RYR2: variants seen among roughly 807,000 people sequenced by gnomAD.
RYR2 encodes cardiac muscle ryanodine receptor-calcium release channel.
In RYR2, 227 loss-of-function variants were observed where a neutral mutation model predicts 601.1. The ratio of observed to expected loss-of-function variants is 0.38; its 90% CI spans 0.34 to 0.42. The LOEUF is 0.42. RYR2 is among the 10% of genes least tolerant of loss of function. The pLI, the probability that RYR2 is intolerant of heterozygous loss-of-function variation, is 1.00. For synonymous variants in RYR2, 2,223 were observed against 2,175.1 expected (o/e 1.02, Z -0.61); for missense variants, 4,646 against 6,156.5 (o/e 0.75, Z 8.21).
rs541573262 is a variant in RYR2, at chr1:237,321,595, A to G, written c.169-9283A>G. On this transcript the variant is annotated intron_variant, in intron 2 of 104. Transcript: ENST00000366574. ...ATAGTGGGCTTTGGAGCAGAGAAAG[A>G]GTTTAATAATTGAATGGCAACCAAA... Among the ~76,000 whole-genome samples the G allele has an allele frequency of 2.0e-5, 3 of 152,296 alleles. No homozygotes were observed. In the South Asian group the frequency reaches 6.2e-4, roughly 32 times the overall value.
intron 8 of RYR2, among the ~76,000 whole-genome samples, chr1:237,382,792 T>A (rs1701643553): frequency 6.6e-6 from 1 of 152,198 alleles, no homozygotes; most frequent in Non-Finnish European, 1.5e-5. Context: ...ATTTATTATA[T>A]GAACCAATTC....
chr1:237,300,215 G>A lies in RYR2; in HGVS notation c.168+29599G>A, dbSNP rs1448311877. Among the ~76,000 whole-genome samples the A allele has an allele frequency of 2.6e-5, 4 of 152,142 alleles. No individual in the cohort carries two copies. In the Middle Eastern group the frequency reaches 0.014, roughly 517 times the overall value. The stretch of plus-strand genomic sequence containing the variant: ...GAGAGAATCAAATAAGATGATACAC[G>A]GACCACCAGGAAACATCTGAGAGGG... On this transcript the variant is annotated intron_variant, in intron 2 of 104. Coordinates refer to ENST00000366574, the MANE Select transcript of RYR2 (RefSeq NM_001035.3).
intron 1 of RYR2, among the ~76,000 whole-genome samples, chr1:237,093,850 C>A (rs574529802): frequency 6.6e-6 from 1 of 152,206 alleles, no homozygotes; most frequent in Admixed American, 6.5e-5. Flanking sequence ...GTTCTTCTCA[C>A]GCTGCTGTGA....
intron 93 of RYR2, 105 bp downstream of exon 93, chr1:237,791,620 A>G (rs2149379592): frequency 4.5e-6 from 3 of 664,716 alleles, no homozygotes; most frequent in Non-Finnish European, 7.9e-6. Flanking sequence ...AACATGTCTA[A>G]ACCTATTATG....
intron 2 of RYR2, among the ~76,000 whole-genome samples, chr1:237,294,151 T>A (rs951888837): frequency 6.6e-6 from 1 of 152,230 alleles, no homozygotes; most frequent in African/African-American, 2.4e-5. Flanking sequence ...ATTTTCCATA[T>A]TCTCCTTGAA....
At position 237,042,390 on chromosome 1, in the gene RYR2, C is replaced by T. The variant is rs1660011892; in HGVS notation, c.-132C>T. 2.2e-6 allele frequency: 2 copies of T among 904,218 alleles called. No homozygotes were observed. The highest frequency in any genetic ancestry group is 2.8e-6 in the Non-Finnish European group (2 of 705,082). 56.0% of individuals were successfully genotyped at this position (904,218 alleles called of 1,614,324 possible). A position where few individuals can be genotyped will look rare whatever the true frequency, so the allele number is the denominator to read the frequency against. Reference sequence around the variant, plus strand: ...CTGCAGGCGGGGACCGCCCGGCGCTCGGCACCCGGCAGCGCGGCCCCCTCC... The same window carrying T: ...CTGCAGGCGGGGACCGCCCGGCGCTTGGCACCCGGCAGCGCGGCCCCCTCC... On this transcript the variant is annotated 5_prime_UTR_variant, in exon 1 of 105. Transcript: ENST00000366574.
In RYR2 at chr1:237,719,322, A is replaced by G. The variant is rs535951662; in HGVS notation, c.10554+801A>G. 3.3e-5 allele frequency among the ~76,000 whole-genome samples: 5 copies of G among 152,290 alleles called. No homozygotes were observed. The South Asian group carries it at 1.0e-3, about 32-fold the overall frequency. ...ATATATTTTTAAGAGTCGTTAGTCTATAGGTGAATTAGGCCATTTTTGCTT... is the reference window on the plus strand; with the variant it reads ...ATATATTTTTAAGAGTCGTTAGTCTGTAGGTGAATTAGGCCATTTTTGCTT... On this transcript the variant is annotated intron_variant, in intron 73 of 104. Transcript: ENST00000366574.
intron 48 of RYR2, among the ~76,000 whole-genome samples, chr1:237,646,172 C>T (rs1281619963): frequency 4.6e-5 from 7 of 151,896 alleles, no homozygotes; most frequent in African/African-American, 7.3e-5. Flanking sequence ...CCACCGTGCC[C>T]GGCCAAATCT....
At chr1:237,379,886 A>T (rs573887730) in intron 8 of RYR2, among the ~76,000 whole-genome samples, 2 of 152,222 alleles carry the variant, frequency 1.3e-5, no homozygotes, top group African/African-American at 4.8e-5. Context: ...CTTTCATTTG[A>T]TAATGAAGTC....
At chr1:237,715,368 T>G (rs1251242480) in intron 71 of RYR2, among the ~76,000 whole-genome samples, 1 of 152,218 alleles carries the variant, frequency 6.6e-6, no homozygotes, top group African/African-American at 2.4e-5. Flanking sequence ...CTTATAGATT[T>G]AATTTCCTCA....
intron 2 of RYR2, among the ~76,000 whole-genome samples, chr1:237,289,887 A>G (rs1692020511): frequency 6.6e-6 from 1 of 152,182 alleles, no homozygotes; most frequent in African/African-American, 2.4e-5. Flanking sequence ...GCATAAAACT[A>G]TTTTAGTTGC....
At chr1:237,302,400 C>A (rs1693449524) in intron 2 of RYR2, among the ~76,000 whole-genome samples, 1 of 152,124 alleles carries the variant, frequency 6.6e-6, no homozygotes, top group Non-Finnish European at 1.5e-5. Context: ...AACTTAAGAA[C>A]TCTAGGAATT....
chr1:237,287,842 A>G (rs1352881424), intron 2 of RYR2, among the ~76,000 whole-genome samples: 2 of 152,062 alleles, frequency 1.3e-5, no homozygotes, highest in Non-Finnish European at 2.9e-5. Flanking sequence ...GTTTGGAGCC[A>G]TTGGTGGTGA....
chr1:237,352,359 A>G (rs1486895479), intron 3 of RYR2, among the ~76,000 whole-genome samples: 2 of 152,122 alleles, frequency 1.3e-5, no homozygotes, highest in Non-Finnish European at 2.9e-5. Context: ...TAGTATAATG[A>G]AACAACACAT....
At chr1:237,368,229 T>C (rs553363389) in intron 5 of RYR2, among the ~76,000 whole-genome samples, 1 of 152,140 alleles carries the variant, frequency 6.6e-6, no homozygotes, top group African/African-American at 2.4e-5. Flanking sequence ...TCCATTCTTA[T>C]AAAAACTTTA....
chr1:237,052,702 G>GT (rs143198286), intron 1 of RYR2, among the ~76,000 whole-genome samples: 1,967 of 149,082 alleles, frequency 0.013, 41 homozygotes, highest in African/African-American at 0.045. Context: ...CAAGAACAGG[G>GT]TTTTTTTTTT....
chr1:237,706,105 C>T (rs570936256), intron 67 of RYR2, among the ~76,000 whole-genome samples: 6 of 152,090 alleles, frequency 3.9e-5, no homozygotes, highest in Admixed American at 2.0e-4. Context: ...AAAAATTAGC[C>T]GGGCGTGGTG....
chr1:237,279,646 T>C (rs1690653196), intron 2 of RYR2, among the ~76,000 whole-genome samples: 1 of 152,216 alleles, frequency 6.6e-6, no homozygotes, highest in Admixed American at 6.5e-5. Context: ...TTGAACCTCA[T>C]GCAACACCAG....
chr1:237,773,524 C>A lies in RYR2; in HGVS notation c.11651C>A (p.Ser3884Ter). 1.3e-6 allele frequency: 2 copies of A among 1,581,196 alleles called. No individual in the cohort carries two copies. Among genetic ancestry groups the A allele is most frequent in the Non-Finnish European group, 1.7e-6 (2 of 1,150,994 alleles). The change falls in exon 87 of 105, where the codon TCA becomes TAA. Residue 3884 changes from serine to a stop codon, truncating the protein, a stop_gained. Coordinates refer to ENST00000366574, the MANE Select transcript of RYR2 (RefSeq NM_001035.3). LOFTEE classifies it high-confidence loss of function. ...AATATCATCTCTATTTCCCAGGAATCAATTAGTGACTTTTATTGGTATTAC... is the reference window on the plus strand; with the variant it reads ...AATATCATCTCTATTTCCCAGGAATAAATTAGTGACTTTTATTGGTATTAC... ...TVDYLLRVQE[S>*]ISDFYWYYSG...
Sources: gnomAD v4.1 joint callset for allele counts (sites outside exome capture counted in the v4.1 genomes callset) on GRCh38, gnomAD v4.1.1 for gene constraint, MANE v1.5 for transcripts, NCBI Gene and HGNC (gene_info 2026-07-23, HGNC 2026-07-21) for gene names.